Variants in ZGRF1 observed in about 807,000 individuals in gnomAD.
ZGRF1 encodes zinc finger GRF-type containing 1.
In ZGRF1, 196 loss-of-function variants were observed where a neutral mutation model predicts 203.5. The observed-to-expected ratio is 0.96, with a 90% CI of 0.86 to 1.08. ZGRF1 has a LOEUF of 1.08. ZGRF1 is among the 50% of genes least tolerant of loss of function. The pLI, the probability that ZGRF1 is intolerant of heterozygous loss-of-function variation, is 0.00. For synonymous variants in ZGRF1, 809 were observed against 841.3 expected (o/e 0.96, Z 0.66); for missense variants, 2,326 against 2,416.3 (o/e 0.96, Z 0.78).
At chr4:112,589,009 CCA>C (rs1560816234) in intron 11 of ZGRF1, among the ~76,000 whole-genome samples, 3 of 152,150 alleles carry the variant, frequency 2.0e-5, no homozygotes, top group African/African-American at 7.2e-5. Flanking sequence ...CTTCTACCAA[CCA>C]CACCCATAAA....
At chr4:112,557,363 C>T (rs771511815) in intron 20 of ZGRF1, among the ~76,000 whole-genome samples, 13 of 151,968 alleles carry the variant, frequency 8.6e-5, no homozygotes, top group Admixed American at 4.6e-4. Flanking sequence ...TTAGTAAAGA[C>T]GGGGTTTCAC....
chr4:112,624,714 T>A (rs767479505), intron 3 of ZGRF1, among the ~76,000 whole-genome samples: 2 of 152,184 alleles, frequency 1.3e-5, no homozygotes, highest in Non-Finnish European at 2.9e-5. Flanking sequence ...TTTTCCCTTA[T>A]GTCTGTAGCC....
rs1321786182 is a variant in ZGRF1, at chr4:112,618,317, CCT to C, written c.1723_1724del (p.Arg575ValfsTer2). ...TCTCTTCACAGTTTGTATTCTCAGACCTCTTTTGAAAACATGAATTGCCATCA... is the reference window on the plus strand; with the variant it reads ...TCTCTTCACAGTTTGTATTCTCAGACCTTTTGAAAACATGAATTGCCATCA... ...VNDGNSCFQKRSENTNCEEIE... is the reference protein window; with the variant it reads ...VNDGNSCFQKXSENTNCEEIE... On this transcript the variant is annotated frameshift_variant, in exon 6 of 28. Transcript: ENST00000505019. LOFTEE classifies it high-confidence loss of function. 1 of 1,613,892 alleles carries C rather than the reference CCT, an allele frequency of 6.2e-7. No homozygotes were observed. The highest frequency in any genetic ancestry group is 1.3e-5 in the African/African-American group (1 of 75,036).
At chr4:112,623,963 T>C (rs908603190) in intron 3 of ZGRF1, 87 bp from the exon 4 acceptor site, 2 of 694,636 alleles carry the variant, frequency 2.9e-6, no homozygotes, top group East Asian at 2.7e-5. Flanking sequence ...GTAATTGTTA[T>C]ATAAGTAATC....
At position 112,579,801 on chromosome 4, in the gene ZGRF1, A is replaced by T. The variant is rs1221770532; in HGVS notation, c.4438+1862T>A. Among the ~76,000 whole-genome samples, 4 of 121,656 alleles carry T rather than the reference A, an allele frequency of 3.3e-5. No individual in the cohort carries two copies. The East Asian group carries it at 9.8e-4, about 30-fold the overall frequency. The allele number at this position is 121,656 out of a possible 152,430, so 79.8% of individuals were successfully genotyped here. On this transcript the variant is annotated intron_variant, in intron 16 of 27. Coordinates refer to ENST00000505019, the MANE Select transcript of ZGRF1 (RefSeq NM_018392.5). ...TACAAACAAATGGAAGAACATTCCA[A>T]GCTCATGGGTAGGAAGAATCAATAT...
intron 22 of ZGRF1, among the ~76,000 whole-genome samples, chr4:112,550,406 T>C (rs754066373): frequency 6.6e-5 from 10 of 152,146 alleles, no homozygotes; most frequent in Non-Finnish European, 1.5e-4. Context: ...TGTTTGTGTT[T>C]TAAGCTGTGT....
chr4:112,606,115 A>G, intron 8 of ZGRF1, 24 bp from the exon 9 acceptor site: 1 of 1,366,046 alleles, frequency 7.3e-7, no homozygotes, highest in Non-Finnish European at 1.0e-6. Context: ...TGAATAAGTT[A>G]TCTAGTTAGC....
chr4:112,542,109 G>C (rs6822451), intron 24 of ZGRF1, among the ~76,000 whole-genome samples: 1 of 151,804 alleles, frequency 6.6e-6, no homozygotes, highest in Non-Finnish European at 1.5e-5. Context: ...TGGGAGGCCA[G>C]GGTGGGAGGA....
intron 16 of ZGRF1, 25 bp from the exon 17 acceptor site, chr4:112,563,299 A>G (rs2148901772): frequency 6.5e-7 from 1 of 1,527,868 alleles, no homozygotes; most frequent in East Asian, 2.5e-5. Context: ...ATTTTTAAAT[A>G]TTACACAGAC....
chr4:112,581,187 C>G (rs1226813494), intron 16 of ZGRF1, among the ~76,000 whole-genome samples: 1 of 148,332 alleles, frequency 6.7e-6, no homozygotes, highest in Non-Finnish European at 1.5e-5. Flanking sequence ...GACAAAAAAC[C>G]AAACACCGCA....
In ZGRF1 at chr4:112,558,420, T is replaced by G. The variant is rs557255633; in HGVS notation, c.4961-111A>C. 9.4e-5 allele frequency: 81 copies of G among 862,794 alleles called. No individual in the cohort carries two copies. In the East Asian group the frequency reaches 2.6e-3, roughly 28 times the overall value. The allele number at this position is 862,794 out of a possible 1,614,324, so 53.4% of individuals were successfully genotyped here. A position where few individuals can be genotyped will look rare whatever the true frequency, so the allele number is the denominator to read the frequency against. On this transcript the variant is annotated intron_variant, in intron 19 of 27. Coordinates refer to ENST00000505019, the MANE Select transcript of ZGRF1 (RefSeq NM_018392.5). ...ACTCACTCTGTCACCCAGGCTGGAG[T>G]GCAGTGACACAATCTCAGCTCACTG...
chr4:112,616,923 AACTC>A (rs1324540400), intron 6 of ZGRF1, among the ~76,000 whole-genome samples: 1 of 152,102 alleles, frequency 6.6e-6, no homozygotes, highest in Non-Finnish European at 1.5e-5. Flanking sequence ...TATCAATATG[AACTC>A]ACTTTTTTAA....
chr4:112,582,328 A>T (rs1746411598), intron 15 of ZGRF1, among the ~76,000 whole-genome samples: 4 of 138,396 alleles, frequency 2.9e-5, no homozygotes, highest in African/African-American at 2.7e-5. Flanking sequence ...ACCTCTCTTC[A>T]TTTCCCACCC....
chr4:112,613,263 C>A (rs2046754424), intron 6 of ZGRF1, among the ~76,000 whole-genome samples: 1 of 152,032 alleles, frequency 6.6e-6, no homozygotes, highest in Admixed American at 6.6e-5. Flanking sequence ...CACTGCACTC[C>A]AGCCTGGGTG....
intron 1 of ZGRF1, among the ~76,000 whole-genome samples, chr4:112,635,142 A>AAG (rs1469857436): frequency 2.0e-5 from 3 of 151,896 alleles, no homozygotes; most frequent in Non-Finnish European, 4.4e-5. Context: ...AAAAAAAAAA[A>AAG]AAAAAGAAAT....
At chr4:112,542,186 T>G (rs953681285) in intron 24 of ZGRF1, among the ~76,000 whole-genome samples, 1 of 151,864 alleles carries the variant, frequency 6.6e-6, no homozygotes, top group Non-Finnish European at 1.5e-5. Context: ...TACTAAAAAT[T>G]TAATAATTAG....
chr4:112,554,203 C>G (rs560085468), intron 21 of ZGRF1, among the ~76,000 whole-genome samples: 1 of 116,240 alleles, frequency 8.6e-6, no homozygotes, highest in Non-Finnish European at 1.7e-5. Context: ...TCCCTCCCCC[C>G]TCCCCCCACC....
At chr4:112,632,864 T>TTG (rs1554007178) in intron 2 of ZGRF1, among the ~76,000 whole-genome samples, 2 of 152,196 alleles carry the variant, frequency 1.3e-5, no homozygotes, top group Non-Finnish European at 2.9e-5. Flanking sequence ...ACAAAGGACT[T>TTG]TGTCTAATAC....
In ZGRF1 at chr4:112,603,748, T is replaced by C. The variant is rs374936369; in HGVS notation, c.2803-51A>G. 2.9e-6 allele frequency: 4 copies of C among 1,385,462 alleles called. No homozygotes were observed. In the African/African-American group the frequency reaches 4.3e-5, roughly 15 times the overall value. 85.8% of individuals were successfully genotyped at this position (1,385,462 alleles called of 1,614,324 possible). ...AACTGCATAACTATATGTTGACATA[T>C]ATATTCACAAAGTAAACACACAGAA... On this transcript the variant is annotated intron_variant, in intron 9 of 27. Transcript: ENST00000505019.
Sources: allele counts gnomAD v4.1 joint callset (sites outside exome capture counted in the v4.1 genomes callset), GRCh38; gene constraint gnomAD v4.1.1; transcripts MANE v1.5; gene names NCBI Gene and HGNC (gene_info 2026-07-23, HGNC 2026-07-21).